Variants in DENND5B observed in about 807,000 individuals in gnomAD.
DENND5B encodes DENN domain-containing protein 5B.
Under a neutral mutation model 140.6 loss-of-function variants are expected in DENND5B, and 34 were observed. The observed-to-expected ratio is 0.24, with a 90% CI of 0.18 to 0.32. The LOEUF is 0.32. DENND5B is among the 10% of genes least tolerant of loss of function. DENND5B has a pLI of 1.00. For missense variants in DENND5B, 1,142 were observed against 1,560.2 expected, an observed-to-expected ratio of 0.73 and a Z score of 4.52; for synonymous variants, 551 against 562.1, an observed-to-expected ratio of 0.98 and a Z score of 0.28.
intron 12 of DENND5B, 103 bp downstream of exon 12, chr12:31,415,264 C>G (rs939647619): frequency 6.9e-6 from 6 of 864,620 alleles, no homozygotes; most frequent in Non-Finnish European, 1.0e-5. Context: ...AATACATAAG[C>G]CAAAAATAAA....
At chr12:31,550,627 G>A (rs1949020073) in intron 1 of DENND5B, among the ~76,000 whole-genome samples, 1 of 152,104 alleles carries the variant, frequency 6.6e-6, no homozygotes, top group African/African-American at 2.4e-5. Flanking sequence ...CTAGATCCCT[G>A]AGGAATTGCC....
At chr12:31,554,725 A>G (rs898323504) in intron 1 of DENND5B, among the ~76,000 whole-genome samples, 2 of 152,170 alleles carry the variant, frequency 1.3e-5, no homozygotes, top group Non-Finnish European at 2.9e-5. Context: ...CTTTTCACAT[A>G]GTCCCATATT....
intron 11 of DENND5B, among the ~76,000 whole-genome samples, chr12:31,415,945 C>T (rs186636870): frequency 2.6e-4 from 40 of 152,144 alleles, no homozygotes; most frequent in Non-Finnish European, 4.4e-4. Context: ...AAGCCATTCT[C>T]CCGCCTCAGT....
chr12:31,500,039 G>A (rs1471008493), intron 1 of DENND5B, among the ~76,000 whole-genome samples: 1 of 152,152 alleles, frequency 6.6e-6, no homozygotes, highest in Non-Finnish European at 1.5e-5. Context: ...AAAATGCTTA[G>A]GACCAAGAAG....
intron 9 of DENND5B, among the ~76,000 whole-genome samples, chr12:31,425,794 TGTTTTAA>T (rs1175337174): frequency 1.3e-5 from 2 of 152,238 alleles, no homozygotes; most frequent in African/African-American, 4.8e-5. Flanking sequence ...GCTAAAATGA[TGTTTTAA>T]GTTTTGTCAA....
intron 4 of DENND5B, among the ~76,000 whole-genome samples, chr12:31,453,257 A>G (rs1944620793): frequency 6.6e-6 from 1 of 152,184 alleles, no homozygotes; most frequent in Admixed American, 6.6e-5. Context: ...TGAATAATTA[A>G]GAGTTCACAC....
chr12:31,443,064 GCAC>G, intron 6 of DENND5B, 139 bp from the exon 7 acceptor site: 7 of 728,424 alleles, frequency 9.6e-6, no homozygotes, highest in Non-Finnish European at 1.1e-5. Context: ...GTGTGTGTGT[GCAC>G]GCACGCACGC....
At chr12:31,391,965 C>T (rs571156899) in intron 19 of DENND5B, among the ~76,000 whole-genome samples, 43 of 151,840 alleles carry the variant, frequency 2.8e-4, no homozygotes, top group Non-Finnish European at 5.6e-4. Flanking sequence ...ATGGTGAAAC[C>T]CCTTCTCTAT....
intron 13 of DENND5B, among the ~76,000 whole-genome samples, chr12:31,411,803 T>C (rs919123038): frequency 6.6e-6 from 1 of 152,220 alleles, no homozygotes; most frequent in Non-Finnish European, 1.5e-5. Context: ...AAGTGTGATA[T>C]ATACAAATAC....
intron 1 of DENND5B, among the ~76,000 whole-genome samples, chr12:31,579,112 T>C (rs1165373291): frequency 6.6e-6 from 1 of 152,152 alleles, no homozygotes; most frequent in East Asian, 1.9e-4. Flanking sequence ...TATACACAAG[T>C]TTCTAACAGA....
chr12:31,577,692 C>A, intron 1 of DENND5B, among the ~76,000 whole-genome samples: 1 of 111,756 alleles, frequency 8.9e-6, no homozygotes, highest in Non-Finnish European at 1.7e-5. Context: ...GCCTGGGCGA[C>A]AGAACGAGAC....
At chr12:31,409,165 G>A in intron 14 of DENND5B, 98 bp downstream of exon 14, 1 of 1,258,352 alleles carries the variant, frequency 7.9e-7, no homozygotes, top group South Asian at 2.0e-5. Context: ...ATGTCACAAT[G>A]TCACATGTAC....
chr12:31,405,248 C>T (rs1291280033), intron 14 of DENND5B, among the ~76,000 whole-genome samples: 2 of 151,078 alleles, frequency 1.3e-5, no homozygotes, highest in East Asian at 2.0e-4. Flanking sequence ...CACGGTCTCG[C>T]TCTGTCACCC....
At chr12:31,536,401 A>C (rs1948494936) in intron 1 of DENND5B, among the ~76,000 whole-genome samples, 2 of 152,130 alleles carry the variant, frequency 1.3e-5, no homozygotes, top group African/African-American at 4.8e-5. Flanking sequence ...ACTACGCAGA[A>C]ATTCTGGAGT....
chr12:31,492,860 C>A (rs187022665), intron 2 of DENND5B, among the ~76,000 whole-genome samples: 1 of 152,124 alleles, frequency 6.6e-6, no homozygotes, highest in East Asian at 1.9e-4. Context: ...CCAAAGATGA[C>A]GCTAGGCATC....
intron 1 of DENND5B, among the ~76,000 whole-genome samples, chr12:31,557,814 CAAAAAAAAAAAA>C (rs71445804): frequency 2.5e-5 from 2 of 80,978 alleles, no homozygotes; most frequent in East Asian, 4.3e-4. Flanking sequence ...GCTGTGGTGG[CAAAAAAAAAAAA>C]AAAAAAAAAA....
intron 1 of DENND5B, among the ~76,000 whole-genome samples, chr12:31,580,770 T>C (rs369939541): frequency 7.9e-5 from 12 of 151,790 alleles, no homozygotes; most frequent in African/African-American, 2.7e-4. Flanking sequence ...GCTGGGATTA[T>C]AGGGCTAAGC....
intron 2 of DENND5B, among the ~76,000 whole-genome samples, chr12:31,490,403 G>C (rs1028023006): frequency 2.0e-5 from 3 of 152,034 alleles, no homozygotes; most frequent in African/African-American, 7.3e-5. Context: ...CTTGAGTCCA[G>C]GAGTTCGAGA....
chr12:31,512,957 T>TA (rs1477632494), intron 1 of DENND5B, among the ~76,000 whole-genome samples: 2 of 152,344 alleles, frequency 1.3e-5, no homozygotes, highest in Non-Finnish European at 2.9e-5. Context: ...TCTGAGTTTT[T>TA]ACCTAAGATC....
Sources: allele counts gnomAD v4.1 joint callset (sites outside exome capture counted in the v4.1 genomes callset), GRCh38; gene constraint gnomAD v4.1.1; transcripts MANE v1.5; gene names NCBI Gene and HGNC (gene_info 2026-07-23, HGNC 2026-07-21).